Variants in NDUFAF6 observed in about 807,000 individuals in gnomAD.
NDUFAF6 encodes NADH:ubiquinone oxidoreductase complex assembly factor 6, also known as NADH dehydrogenase (ubiquinone) complex I, assembly factor 6.
Under a neutral mutation model 40.8 loss-of-function variants are expected in NDUFAF6, and 45 were observed. The ratio of observed to expected loss-of-function variants is 1.10; its 90% CI spans 0.87 to 1.42. The LOEUF is 1.42. NDUFAF6 is among the 40% of genes most tolerant of loss of function. NDUFAF6 has a pLI of 0.00. For missense variants in NDUFAF6, 435 were observed against 418.5 expected (o/e 1.04, Z -0.34); for synonymous variants, 185 against 155.9 (o/e 1.19, Z -1.39).
chr8:94,939,526 G>C (rs956953708), intron 1 of NDUFAF6, among the ~76,000 whole-genome samples: 7 of 152,174 alleles, frequency 4.6e-5, no homozygotes, highest in Non-Finnish European at 5.9e-5. Flanking sequence ...CTCCTGAGTA[G>C]CTGGGACTAC....
At chr8:95,083,027 C>T (rs376980754) in intron 2 of NDUFAF6, among the ~76,000 whole-genome samples, 120 of 152,230 alleles carry the variant, frequency 7.9e-4, no homozygotes, top group Non-Finnish European at 1.3e-3. Flanking sequence ...GCAGTCCTCC[C>T]GTCTCAGCCT....
At chr8:94,972,786 G>C in intron 1 of NDUFAF6, among the ~76,000 whole-genome samples, 1 of 150,476 alleles carries the variant, frequency 6.6e-6, no homozygotes, top group East Asian at 2.0e-4. Flanking sequence ...TGTAGTCCCA[G>C]CTACTCGGGA....
chr8:94,958,522 C>CTTTTTTTTTTTTTTTTT (rs55703438), intron 1 of NDUFAF6, among the ~76,000 whole-genome samples: 1 of 71,244 alleles, frequency 1.4e-5, no homozygotes, highest in Non-Finnish European at 2.5e-5. Context: ...TAGTCACATT[C>CTTTTTTTTTTTTTTTTT]TTTTTTTTTT....
intron 1 of NDUFAF6, among the ~76,000 whole-genome samples, chr8:94,924,742 CTGTTT>C (rs5893308): frequency 0.029 from 4,333 of 151,984 alleles, 198 homozygotes; most frequent in African/African-American, 0.098. Flanking sequence ...GGTTTTTGTT[CTGTTT>C]TGTTTTGTTT....
chr8:95,044,915 C>T (rs1275249584), intron 4 of NDUFAF6, among the ~76,000 whole-genome samples: 2 of 152,006 alleles, frequency 1.3e-5, no homozygotes, highest in Non-Finnish European at 2.9e-5. Context: ...TTTTCTGTTT[C>T]TTGCATATAG....
At chr8:95,025,918 G>A (rs1586996568) in intron 1 of NDUFAF6, among the ~76,000 whole-genome samples, 1 of 152,188 alleles carries the variant, frequency 6.6e-6, no homozygotes, top group South Asian at 2.1e-4. Context: ...ATGCGGCAGG[G>A]ACCCCTGGGA....
intron 2 of NDUFAF6, among the ~76,000 whole-genome samples, chr8:95,083,831 A>C (rs1219116755): frequency 6.6e-6 from 1 of 152,242 alleles, no homozygotes; most frequent in Non-Finnish European, 1.5e-5. Context: ...AGTCCCAGAG[A>C]CTGCTTATAT....
At chr8:95,041,456 G>A (rs1830136225) in intron 3 of NDUFAF6, 114 bp from the exon 4 acceptor site, 6 of 738,884 alleles carry the variant, frequency 8.1e-6, no homozygotes, top group African/African-American at 1.7e-5. Flanking sequence ...ATATGGTGAT[G>A]TTATTACAAA....
chr8:95,038,771 G>A (rs1225918607), intron 3 of NDUFAF6, among the ~76,000 whole-genome samples: 1 of 152,034 alleles, frequency 6.6e-6, no homozygotes, highest in Non-Finnish European at 1.5e-5. Context: ...TCTGCTTCCT[G>A]GGTTCAAGCA....
chr8:94,998,827 C>G (rs1348090435), intron 2 of NDUFAF6, among the ~76,000 whole-genome samples: 1 of 152,096 alleles, frequency 6.6e-6, no homozygotes, highest in Non-Finnish European at 1.5e-5. Context: ...AAGTTTATTC[C>G]TGGTAAAGGA....
At chr8:94,938,348 A>G (rs889114196) in intron 1 of NDUFAF6, among the ~76,000 whole-genome samples, 1 of 152,188 alleles carries the variant, frequency 6.6e-6, no homozygotes, top group African/African-American at 2.4e-5. Context: ...TCCAAGTTTG[A>G]AGACTGAGGC....
chr8:94,969,001 A>C (rs1824243136), intron 1 of NDUFAF6, among the ~76,000 whole-genome samples: 1 of 152,154 alleles, frequency 6.6e-6, no homozygotes, highest in Non-Finnish European at 1.5e-5. Flanking sequence ...TGAGAGAGCA[A>C]ATCAAGATTT....
At chr8:94,912,298 A>G (rs1011826172) in intron 1 of NDUFAF6, among the ~76,000 whole-genome samples, 1 of 152,254 alleles carries the variant, frequency 6.6e-6, no homozygotes, top group Non-Finnish European at 1.5e-5. Context: ...AATAAGGTCC[A>G]CTATCATCCA....
At chr8:94,944,902 T>C (rs556228143) in intron 1 of NDUFAF6, among the ~76,000 whole-genome samples, 42 of 152,296 alleles carry the variant, frequency 2.8e-4, no homozygotes, top group Non-Finnish European at 5.4e-4. Context: ...CTGGTTTAAC[T>C]AGCAAAGCCA....
chr8:95,086,902 C>T (rs1015145719), intron 2 of NDUFAF6, among the ~76,000 whole-genome samples: 2 of 152,130 alleles, frequency 1.3e-5, no homozygotes, highest in South Asian at 2.1e-4. Flanking sequence ...CGCGCCCCGG[C>T]CCCTCTTGTC....
chr8:95,008,408 C>G (rs1312305892), intron 2 of NDUFAF6, among the ~76,000 whole-genome samples: 1 of 152,196 alleles, frequency 6.6e-6, no homozygotes, highest in Non-Finnish European at 1.5e-5. Flanking sequence ...TTATTCGTGT[C>G]AGTTTGCTAT....
chr8:94,985,495 A>T (rs1373667674), intron 2 of NDUFAF6, among the ~76,000 whole-genome samples: 1 of 6,662 alleles, frequency 1.5e-4, no homozygotes, highest in Non-Finnish European at 3.1e-4. Context: ...ATATATATAT[A>T]TATATATATA....
At chr8:94,953,992 T>C (rs1170025594), upstream of NDUFAF6, among the ~76,000 whole-genome samples, 1 of 152,236 alleles carries the variant, frequency 6.6e-6, no homozygotes. Context: ...CTTTTCCTGC[T>C]TTATTCCTCT....
downstream of NDUFAF6, among the ~76,000 whole-genome samples, chr8:95,058,885 G>A (rs1441855781): frequency 6.6e-6 from 1 of 151,686 alleles, no homozygotes; most frequent in Non-Finnish European, 1.5e-5. Context: ...ACCCCATCTC[G>A]ACCAAAAATA....
Sources: gnomAD v4.1 joint callset for allele counts (sites outside exome capture counted in the v4.1 genomes callset) on GRCh38, gnomAD v4.1.1 for gene constraint, MANE v1.5 for transcripts, NCBI Gene and HGNC (gene_info 2026-07-23, HGNC 2026-07-21) for gene names.